Variants in RBFOX2 observed in about 807,000 individuals in gnomAD.
RBFOX2 encodes the protein RNA binding fox-1 homolog 2, also known as RNA binding protein fox-1 homolog 2.
Under a neutral mutation model 49.1 loss-of-function variants are expected in RBFOX2, and 10 were observed. The ratio of observed to expected loss-of-function variants is 0.20; its 90% CI spans 0.13 to 0.35. RBFOX2 has a LOEUF of 0.35. Ranked by LOEUF, RBFOX2 falls within the 10% of genes least tolerant of loss-of-function variation. RBFOX2 has a pLI of 1.00. For missense variants in RBFOX2, 323 were observed against 486.9 expected, an observed-to-expected ratio of 0.66 and a Z score of 3.17; for synonymous variants, 183 against 187.4, an observed-to-expected ratio of 0.98 and a Z score of 0.19.
intron 1 of RBFOX2, among the ~76,000 whole-genome samples, chr22:36,027,813 C>A (rs983900960): frequency 4.6e-5 from 7 of 152,062 alleles, no homozygotes; most frequent in African/African-American, 1.7e-4. Flanking sequence ...CCCATCCCAG[C>A]GTGTGCCCAG....
intron 2 of RBFOX2, among the ~76,000 whole-genome samples, chr22:35,798,353 G>C (rs1274101996): frequency 6.6e-6 from 1 of 152,196 alleles, no homozygotes; most frequent in East Asian, 1.9e-4. Flanking sequence ...AACACCTAGT[G>C]CCTAGCACAG....
upstream of RBFOX2, among the ~76,000 whole-genome samples, chr22:35,844,212 T>C (rs991308667): frequency 2.0e-5 from 3 of 152,284 alleles, no homozygotes; most frequent in Middle Eastern, 3.4e-3. Context: ...TACATAACGG[T>C]TGGAGTTACT....
chr22:35,983,748 T>A (rs147217694), intron 1 of RBFOX2, among the ~76,000 whole-genome samples: 27 of 152,336 alleles, frequency 1.8e-4, no homozygotes, highest in African/African-American at 6.5e-4. Flanking sequence ...CTGAACTAAA[T>A]GAACACAACT....
intron 1 of RBFOX2, among the ~76,000 whole-genome samples, chr22:35,970,873 A>G (rs1569515470): frequency 6.6e-6 from 1 of 152,224 alleles, no homozygotes; most frequent in Non-Finnish European, 1.5e-5. Context: ...AAAGACCTAA[A>G]TGGACCCCTG....
rs1356919823 is a variant in RBFOX2, at chr22:35,781,737, C to A, written c.262G>T (p.Gly88Cys). 6.2e-7 allele frequency: 1 copy of A among 1,614,046 alleles called. No homozygotes were observed. The highest frequency in any genetic ancestry group is 8.5e-7 in the Non-Finnish European group (1 of 1,180,010). Residue 88 changes from glycine (G) to cysteine (C), a missense_variant, in exon 3 of 12, where the codon GGT becomes TGT. Gly to Cys is a radical substitution (Grantham distance 159). This residue lies in a region of RBFOX2 where 123 missense variants were observed against 116.9 expected (regional missense o/e 1.05). Coordinates refer to ENST00000405409, the Ensembl canonical transcript of RBFOX2. ...TGCTGGCCGTCTGTCTGTGCTCCACCTTCTGTCTGCTAAGCAAAGAAATAA... is the reference window on the plus strand; with the variant it reads ...TGCTGGCCGTCTGTCTGTGCTCCACATTCTGTCTGCTAAGCAAAGAAATAA...
At chr22:35,880,972 G>T (rs1015080064) in intron 1 of RBFOX2, among the ~76,000 whole-genome samples, 8 of 152,118 alleles carry the variant, frequency 5.3e-5, no homozygotes, top group Admixed American at 6.6e-5. Context: ...TTAGTTGCAT[G>T]AAACTTTGAC....
At chr22:35,924,172 C>T (rs1274450738) in intron 1 of RBFOX2, among the ~76,000 whole-genome samples, 2 of 152,182 alleles carry the variant, frequency 1.3e-5, no homozygotes, top group African/African-American at 4.8e-5. Context: ...TGTTAGCCCT[C>T]TTTTCATTAG....
chr22:35,756,044 GA>G (rs965941023), intron 9 of RBFOX2, 60 bp downstream of exon 11: 84 of 1,231,916 alleles, frequency 6.8e-5, no homozygotes, highest in Admixed American at 1.6e-4. Flanking sequence ...CAAAGAAACA[GA>G]AAAAAAAAGG....
At chr22:35,955,982 T>C (rs1569510938) in intron 1 of RBFOX2, among the ~76,000 whole-genome samples, 1 of 152,230 alleles carries the variant, frequency 6.6e-6, no homozygotes, top group East Asian at 1.9e-4. Flanking sequence ...GTACCAAAGG[T>C]TAGTTGCAAT....
At chr22:35,973,831 T>C (rs1441316923) in intron 1 of RBFOX2, among the ~76,000 whole-genome samples, 1 of 152,202 alleles carries the variant, frequency 6.6e-6, no homozygotes, top group East Asian at 1.9e-4. Flanking sequence ...AGTGGGTTCC[T>C]TTTCCTTGGC....
chr22:35,911,970 A>C (rs1045883111), intron 1 of RBFOX2, among the ~76,000 whole-genome samples: 4 of 151,960 alleles, frequency 2.6e-5, no homozygotes, highest in Admixed American at 6.6e-5. Context: ...TTAAATACAT[A>C]CTTCTTTTTT....
intron 1 of RBFOX2, among the ~76,000 whole-genome samples, chr22:36,017,009 G>A (rs918130608): frequency 7.9e-5 from 12 of 152,142 alleles, no homozygotes; most frequent in Non-Finnish European, 1.3e-4. Context: ...GCTGGAACAG[G>A]CAAGGATTAT....
chr22:35,921,555 T>C (rs2051027051), intron 1 of RBFOX2, among the ~76,000 whole-genome samples: 1 of 152,220 alleles, frequency 6.6e-6, no homozygotes, highest in Non-Finnish European at 1.5e-5. Flanking sequence ...ACATCAAAAG[T>C]ATTTCAGGAA....
At chr22:35,866,340 G>T (rs1372808016) in intron 1 of RBFOX2, among the ~76,000 whole-genome samples, 2 of 151,976 alleles carry the variant, frequency 1.3e-5, no homozygotes, top group Admixed American at 1.3e-4. Context: ...TTTTTTGAAA[G>T]TGCATACATT....
chr22:35,992,237 A>C (rs2058013517), intron 1 of RBFOX2: 1 of 152,182 alleles, frequency 6.6e-6, no homozygotes, highest in African/African-American at 2.4e-5. Context: ...AAAGAAATAA[A>C]AGGCATGGTC....
At chr22:35,913,308 T>C (rs937974051) in intron 1 of RBFOX2, among the ~76,000 whole-genome samples, 2 of 152,026 alleles carry the variant, frequency 1.3e-5, no homozygotes, top group African/African-American at 2.4e-5. Context: ...TGAGACTCTG[T>C]CTCTATTTTT....
chr22:35,756,451 C>A (rs554554524), intron 9 of RBFOX2, among the ~76,000 whole-genome samples: 1 of 152,190 alleles, frequency 6.6e-6, no homozygotes, highest in Non-Finnish European at 1.5e-5. Context: ...TTATATCTAT[C>A]CAAAATCTGC....
chr22:35,872,800 G>A (rs2044531430), intron 1 of RBFOX2, among the ~76,000 whole-genome samples: 1 of 152,134 alleles, frequency 6.6e-6, no homozygotes, highest in East Asian at 1.9e-4. Flanking sequence ...AGGGTCTCGG[G>A]TTTTTATAGG....
chr22:35,824,394 A>G (rs1473518776), intron 1 of RBFOX2: 5 of 152,236 alleles, frequency 3.3e-5, no homozygotes, highest in African/African-American at 7.2e-5. Flanking sequence ...AATGCAGTCT[A>G]AAGAGGAAAA....
Sources: gnomAD v4.1 joint callset for allele counts (sites outside exome capture counted in the v4.1 genomes callset) on GRCh38, gnomAD v4.1.1 for gene constraint, gnomAD v4.1.1 regional missense constraint, MANE v1.5 for transcripts, NCBI Gene and HGNC (gene_info 2026-07-23, HGNC 2026-07-21) for gene names.